CNTNAP2: variants seen among roughly 807,000 people sequenced by gnomAD.
CNTNAP2 encodes the protein contactin associated protein 2.
CNTNAP2 carries 98 observed loss-of-function variants against 155.2 expected under a neutral mutation model. The observed-to-expected ratio is 0.63, with a 90% CI of 0.54 to 0.75. The LOEUF is 0.75. Ranked by LOEUF, CNTNAP2 falls within the 30% of genes least tolerant of loss-of-function variation. The probability of loss-of-function intolerance (pLI) is 0.00; values close to 1 mark genes in which losing one functional copy is unlikely to be tolerated. For missense variants in CNTNAP2, 1,727 were observed against 1,688.1 expected (o/e 1.02, Z -0.40); for synonymous variants, 651 against 631.2 (o/e 1.03, Z -0.47).
At chr7:147,064,884 A>G (rs558109537) in intron 4 of CNTNAP2, among the ~76,000 whole-genome samples, 3 of 152,328 alleles carry the variant, frequency 2.0e-5, no homozygotes, top group African/African-American at 7.2e-5. Context: ...TGAAGCCCAC[A>G]TCAATTTTGC....
chr7:147,017,733 C>G (rs973911282), intron 3 of CNTNAP2, among the ~76,000 whole-genome samples: 1 of 151,846 alleles, frequency 6.6e-6, no homozygotes, highest in African/African-American at 2.4e-5. Context: ...AAAAATGATT[C>G]TTGTACAAAT....
chr7:147,936,993 GC>G (rs532664277), intron 14 of CNTNAP2, among the ~76,000 whole-genome samples: 42 of 152,208 alleles, frequency 2.8e-4, no homozygotes, highest in African/African-American at 9.4e-4. Flanking sequence ...AGCAAGGTCA[GC>G]CTCAGTCTCT....
Position 147,204,024 on chromosome 7 carries a change from T to C in CNTNAP2, c.1348+71515T>C, listed in dbSNP as rs574311372. Among the ~76,000 whole-genome samples the C allele has an allele frequency of 1.5e-4, 23 of 152,144 alleles. No homozygotes were observed. In the East Asian group the frequency reaches 3.7e-3, roughly 24 times the overall value. On this transcript the variant is annotated intron_variant, in intron 8 of 23. Transcript: ENST00000361727. Reference sequence around the variant, plus strand: ...AAAGAAAGGTTGTGTCATAAGAGTGTGTAATGTAAAGCTCTTAACTTTCCA... The same window carrying C: ...AAAGAAAGGTTGTGTCATAAGAGTGCGTAATGTAAAGCTCTTAACTTTCCA...
At chr7:147,714,927 A>C (rs898882320) in intron 13 of CNTNAP2, among the ~76,000 whole-genome samples, 2 of 152,150 alleles carry the variant, frequency 1.3e-5, no homozygotes, top group Non-Finnish European at 2.9e-5. Flanking sequence ...TATATTTATA[A>C]AAGTATGAAG....
At chr7:147,562,378 A>G (rs895248568) in intron 12 of CNTNAP2, 121 bp downstream of exon 12, 51 of 1,229,762 alleles carry the variant, frequency 4.1e-5, no homozygotes, top group Non-Finnish European at 5.8e-5. Flanking sequence ...TCAGCAACAT[A>G]TTGCTGGATT....
intron 13 of CNTNAP2, among the ~76,000 whole-genome samples, chr7:147,658,256 CAAAA>C (rs11358943): frequency 1.0e-4 from 10 of 95,372 alleles, no homozygotes; most frequent in Admixed American, 1.3e-4. Context: ...GACTCCGTCC[CAAAA>C]AAAAAAAAAA....
At chr7:147,271,773 C>G (rs192546534) in intron 8 of CNTNAP2, among the ~76,000 whole-genome samples, 1 of 152,150 alleles carries the variant, frequency 6.6e-6, no homozygotes, top group Non-Finnish European at 1.5e-5. Context: ...GATCTCCTAC[C>G]GGGTGCCTCC....
intron 1 of CNTNAP2, among the ~76,000 whole-genome samples, chr7:146,524,317 C>T (rs763659185): frequency 4.6e-5 from 7 of 152,016 alleles, no homozygotes; most frequent in Admixed American, 1.3e-4. Context: ...TGAGAGACAT[C>T]GGGGATCATC....
chr7:147,455,618 A>G lies in CNTNAP2; in HGVS notation c.1671-30317A>G, dbSNP rs182660424. ...GATGTAAACTATTCCAGAGAATAGA[A>G]ATAGAGGGAAACTTTCCCCATTCTT... is the stretch of plus-strand genomic sequence containing the variant. On this transcript the variant is annotated intron_variant, in intron 10 of 23. Coordinates refer to ENST00000361727, the MANE Select transcript of CNTNAP2 (RefSeq NM_014141.6). 2.0e-5 allele frequency among the ~76,000 whole-genome samples: 3 copies of G among 152,302 alleles called. No homozygotes were observed. In the East Asian group the frequency reaches 5.8e-4, roughly 29 times the overall value.
intron 1 of CNTNAP2, among the ~76,000 whole-genome samples, chr7:146,616,361 A>G (rs1258622436): frequency 6.6e-6 from 1 of 151,502 alleles, no homozygotes; most frequent in Admixed American, 6.6e-5. Context: ...GAGATGAATG[A>G]ATAAATAAAA....
intron 3 of CNTNAP2, among the ~76,000 whole-genome samples, chr7:146,859,672 T>C (rs60869393): frequency 6.6e-6 from 1 of 150,514 alleles, no homozygotes; most frequent in African/African-American, 2.5e-5. Context: ...AAAAAAAAAA[T>C]ATATATAATC....
chr7:147,969,134 C>G (rs967472384), intron 14 of CNTNAP2, among the ~76,000 whole-genome samples: 1 of 152,156 alleles, frequency 6.6e-6, no homozygotes, highest in Non-Finnish European at 1.5e-5. Context: ...ACTGAAGCCT[C>G]GACTTCCTAG....
At position 147,935,640 on chromosome 7, in the gene CNTNAP2, TTA is replaced by T. The variant is rs1262194935; in HGVS notation, c.2255+31920_2255+31921del. ...AGATTAAATTATGTTCTTATATATTTTAGTCACTTTTTGAACTATTACAAATA... is the reference window on the plus strand; with the variant it reads ...AGATTAAATTATGTTCTTATATATTTGTCACTTTTTGAACTATTACAAATA... On this transcript the variant is annotated intron_variant, in intron 14 of 23. Transcript: ENST00000361727. Among the ~76,000 whole-genome samples, 6 of 152,362 alleles carry T rather than the reference TTA, an allele frequency of 3.9e-5. No homozygotes were observed. In the East Asian group the frequency reaches 1.2e-3, roughly 29 times the overall value.
At chr7:147,840,649 C>T (rs1798713267) in intron 13 of CNTNAP2, among the ~76,000 whole-genome samples, 1 of 152,102 alleles carries the variant, frequency 6.6e-6, no homozygotes. Context: ...AGAAAAATCA[C>T]TCTGGTCACA....
chr7:148,124,574 C>A (rs1804673343), intron 16 of CNTNAP2, among the ~76,000 whole-genome samples: 1 of 152,128 alleles, frequency 6.6e-6, no homozygotes, highest in East Asian at 1.9e-4. Context: ...ACCCAGCATC[C>A]ACCTCCTAGT....
intron 23 of CNTNAP2, among the ~76,000 whole-genome samples, chr7:148,414,089 T>C (rs1461613795): frequency 9.8e-6 from 1 of 102,092 alleles, no homozygotes; most frequent in Non-Finnish European, 1.8e-5. Context: ...TTTTTTTTTT[T>C]TAGACAGAGT....
chr7:147,006,766 A>G (rs1451469581), intron 3 of CNTNAP2, among the ~76,000 whole-genome samples: 1 of 152,006 alleles, frequency 6.6e-6, no homozygotes, highest in Non-Finnish European at 1.5e-5. Context: ...GGCTCCTGTC[A>G]TTTTACTATG....
intron 15 of CNTNAP2, among the ~76,000 whole-genome samples, chr7:148,098,555 C>A (rs1221385330): frequency 1.3e-5 from 2 of 150,166 alleles, no homozygotes; most frequent in Non-Finnish European, 3.0e-5. Context: ...ATAAGGAGGT[C>A]CTAGCTGGGC....
At chr7:146,411,487 A>G (rs1795863849) in intron 1 of CNTNAP2, among the ~76,000 whole-genome samples, 1 of 152,122 alleles carries the variant, frequency 6.6e-6, no homozygotes, top group African/African-American at 2.4e-5. Flanking sequence ...TCTCACCACA[A>G]GAAAATATGG....
Sources: gnomAD v4.1 joint callset for allele counts (sites outside exome capture counted in the v4.1 genomes callset) on GRCh38, gnomAD v4.1.1 for gene constraint, MANE v1.5 for transcripts, NCBI Gene and HGNC (gene_info 2026-07-23, HGNC 2026-07-21) for gene names.